Variants in ZNF248 observed in about 807,000 individuals in gnomAD.
ZNF248 encodes the protein zinc finger protein 248.
Under a neutral mutation model 44.3 loss-of-function variants are expected in ZNF248, and 20 were observed. The observed-to-expected ratio is 0.45, with a 90% CI of 0.32 to 0.66. ZNF248 has a LOEUF of 0.66. Ranked by LOEUF, ZNF248 falls within the 30% of genes least tolerant of loss-of-function variation. The probability of loss-of-function intolerance (pLI) is 0.04; values close to 1 mark genes in which losing one functional copy is unlikely to be tolerated. For synonymous variants in ZNF248, 224 were observed against 229.0 expected (o/e 0.98, Z 0.20); for missense variants, 654 against 677.0 (o/e 0.97, Z 0.38).
downstream of ZNF248, chr10:37,776,448 CTT>C (rs1473512691): frequency 7.6e-6 from 3 of 396,176 alleles, no homozygotes; most frequent in African/African-American, 2.1e-5. Context: ...AGTTTCCTGA[CTT>C]TGCTCTGAAG....
chr10:37,816,470 C>T (rs1301661273), intron 6 of ZNF248, among the ~76,000 whole-genome samples: 7 of 152,186 alleles, frequency 4.6e-5, no homozygotes, highest in Non-Finnish European at 8.8e-5. Context: ...CACGTAACCA[C>T]AATTTGCCAT....
intron 6 of ZNF248, chr10:37,784,233 A>G (rs1480944644): frequency 6.6e-6 from 1 of 152,316 alleles, no homozygotes; most frequent in South Asian, 2.1e-4. Flanking sequence ...AAATGCCACC[A>G]TTATGCATGT....
chr10:37,815,687 A>T (rs1000391873), intron 6 of ZNF248, among the ~76,000 whole-genome samples: 22 of 151,266 alleles, frequency 1.5e-4, no homozygotes, highest in Non-Finnish European at 3.2e-4. Flanking sequence ...TTCTTTGTTC[A>T]TCTTTTGATT....
At chr10:37,840,924 T>C (rs2058226739) in intron 3 of ZNF248, among the ~76,000 whole-genome samples, 2 of 152,178 alleles carry the variant, frequency 1.3e-5, no homozygotes, top group Admixed American at 1.3e-4. Context: ...TAGTGGGCTA[T>C]GTCAAAGGGA....
At chr10:37,777,344 C>T (rs1202150961) in intron 6 of ZNF248, among the ~76,000 whole-genome samples, 1 of 152,156 alleles carries the variant, frequency 6.6e-6, no homozygotes, top group East Asian at 1.9e-4. Flanking sequence ...ACTAAGCCAC[C>T]CGCTTCCACC....
intron 6 of ZNF248, among the ~76,000 whole-genome samples, chr10:37,778,646 G>A (rs2046901373): frequency 6.6e-6 from 1 of 151,962 alleles, no homozygotes; most frequent in Non-Finnish European, 1.5e-5. Context: ...TTTCTTCTAG[G>A]GTTTTTATGG....
chr10:37,776,340 C>T (rs2046586045), downstream of ZNF248: 1 of 362,272 alleles, frequency 2.8e-6, no homozygotes, highest in South Asian at 1.5e-4. Context: ...GTGGGGAGAC[C>T]TTCTGGATGT....
intron 6 of ZNF248, among the ~76,000 whole-genome samples, chr10:37,809,568 G>A (rs2051171417): frequency 6.6e-6 from 1 of 152,210 alleles, no homozygotes; most frequent in African/African-American, 2.4e-5. Context: ...ATAAGCCACT[G>A]CTCCCAGCCT....
chr10:37,839,413 C>T (rs532693927), intron 3 of ZNF248, among the ~76,000 whole-genome samples: 8 of 152,054 alleles, frequency 5.3e-5, no homozygotes, highest in Admixed American at 5.2e-4. Flanking sequence ...ATTTTTGTTT[C>T]TAACGCCATG....
At position 37,832,947 on chromosome 10, in the gene ZNF248, G is replaced by C. The variant is rs1462583594; in HGVS notation, c.408C>G (p.Pro136=). The change falls in exon 6 of 6, where the codon CCC becomes CCG. Residue 136 remains proline (P), a synonymous_variant. Transcript: ENST00000395867. ...GTDPVSLRNY[P]YKICDSCEMN... is the part of the protein sequence containing the mutation. ...TTTCACATGAGTCACATATTTTATA[G>C]GGATAATTTCTTAAAGAAACAGGGT... 1 of 1,613,382 alleles carries C rather than the reference G, an allele frequency of 6.2e-7. No individual in the cohort carries two copies. The highest frequency in any genetic ancestry group is 1.7e-5 in the Admixed American group (1 of 59,932).
intron 3 of ZNF248, among the ~76,000 whole-genome samples, chr10:37,842,123 A>G (rs1351537858): frequency 6.6e-6 from 1 of 152,190 alleles, no homozygotes; most frequent in Non-Finnish European, 1.5e-5. Context: ...AACTGTGTCT[A>G]TGGGAGGTAT....
intron 5 of ZNF248, 37 bp from the exon 6 acceptor site, chr10:37,833,153 T>G (rs769047040): frequency 6.5e-7 from 1 of 1,536,750 alleles, no homozygotes; most frequent in Non-Finnish European, 8.7e-7. Flanking sequence ...TTATGAACCT[T>G]AATACATTTC....
At chr10:37,798,097 T>G (rs2049365017) in intron 6 of ZNF248, among the ~76,000 whole-genome samples, 1 of 152,090 alleles carries the variant, frequency 6.6e-6, no homozygotes, top group Non-Finnish European at 1.5e-5. Flanking sequence ...TAAACTAAAT[T>G]TGGTATATCT....
chr10:37,816,781 G>A (rs1482959333), intron 6 of ZNF248, among the ~76,000 whole-genome samples: 1 of 152,120 alleles, frequency 6.6e-6, no homozygotes, highest in Non-Finnish European at 1.5e-5. Context: ...AAATCTCTGA[G>A]CCATGCCCCA....
chr10:37,844,524 C>T (rs1175086876), intron 3 of ZNF248, among the ~76,000 whole-genome samples: 1 of 152,156 alleles, frequency 6.6e-6, no homozygotes, highest in African/African-American at 2.4e-5. Context: ...TAGGAAAATG[C>T]ATACACAGTA....
intron 6 of ZNF248, among the ~76,000 whole-genome samples, chr10:37,815,543 T>A (rs1048819264): frequency 6.6e-6 from 1 of 152,116 alleles, no homozygotes; most frequent in Admixed American, 6.6e-5. Context: ...TTTTCTTGAC[T>A]TTGTCCACAT....
rs139152407 is a variant in ZNF248, at chr10:37,815,326, A to C, written c.330+17699T>G. ...TGATCTGCCTGCCTCAGCCTCCCAA[A>C]GTGCTGGGATTATAGTCATAAGCCA... On this transcript the variant is annotated intron_variant, in intron 6 of 6. Coordinates refer to the ZNF248 transcript ENST00000615949. 6.1e-3 allele frequency among the ~76,000 whole-genome samples: 927 copies of C among 152,154 alleles called. 10 individuals carry two copies. The highest frequency in any genetic ancestry group is 0.021 in the African/African-American group (886 of 41,500).
chr10:37,815,103 G>A (rs981241522), intron 6 of ZNF248, among the ~76,000 whole-genome samples: 2 of 150,992 alleles, frequency 1.3e-5, no homozygotes, highest in Non-Finnish European at 2.9e-5. Flanking sequence ...GTCTCGTTCT[G>A]TACCCCAGGC....
chr10:37,782,393 A>G (rs1391927521), intron 6 of ZNF248, among the ~76,000 whole-genome samples: 4 of 151,972 alleles, frequency 2.6e-5, no homozygotes, highest in African/African-American at 9.7e-5. Context: ...ATGGGTTAAG[A>G]TTTGGGGGCA....
Sources: allele counts gnomAD v4.1 joint callset (sites outside exome capture counted in the v4.1 genomes callset), GRCh38; gene constraint gnomAD v4.1.1; transcripts MANE v1.5; gene names NCBI Gene and HGNC (gene_info 2026-07-23, HGNC 2026-07-21).